The following TK2 variants were observed in gnomAD, a reference collection of about 807,000 sequenced individuals.
The protein encoded by TK2 is thymidine kinase 2, also known as thymidine kinase 2, mitochondrial.
Under a neutral mutation model 41.9 loss-of-function variants are expected in TK2, and 35 were observed. That is an observed-to-expected ratio of 0.84 (90% CI 0.64 to 1.11). The LOEUF (loss-of-function observed/expected upper bound fraction) is 1.11, where lower values mean the gene tolerates loss of function less well. TK2 is among the 50% of genes least tolerant of loss of function. The pLI, the probability that TK2 is intolerant of heterozygous loss-of-function variation, is 0.00. For missense variants in TK2, 320 were observed against 351.1 expected, an observed-to-expected ratio of 0.91 and a Z score of 0.71; for synonymous variants, 128 against 129.1, an observed-to-expected ratio of 0.99 and a Z score of 0.06.
At chr16:66,527,379 A>AT (rs2144393733) in intron 6 of TK2, among the ~76,000 whole-genome samples, 1 of 152,290 alleles carries the variant, frequency 6.6e-6, no homozygotes, top group Non-Finnish European at 1.5e-5. Context: ...CAGGGCTCCT[A>AT]GGAGAAGCCT....
chr16:66,549,415 C>T, intron 1 of TK2: 1 of 1,085,962 alleles, frequency 9.2e-7, no homozygotes, highest in Non-Finnish European at 1.1e-6. Flanking sequence ...GGGCGGGCAT[C>T]GCTGCCCATC....
intron 2 of TK2, among the ~76,000 whole-genome samples, chr16:66,542,942 A>C (rs1965500477): frequency 6.6e-6 from 1 of 151,968 alleles, no homozygotes; most frequent in South Asian, 2.1e-4. Flanking sequence ...GCGTGATCTC[A>C]GCTCACTGCA....
In TK2 at chr16:66,549,968, G is replaced by A. The variant is rs200121712; in HGVS notation, c.94C>T (p.Arg32Trp). The A allele has an allele frequency of 7.0e-3, 10,267 of 1,461,434 alleles. 54 individuals carry two copies. Among genetic ancestry groups the A allele is most frequent in the Non-Finnish European group, 7.5e-3 (8,384 of 1,117,328 alleles). 90.5% of individuals were successfully genotyped at this position (1,461,434 alleles called of 1,614,324 possible). ...RGSPASGPGPRRVQRRAWPPD... is the reference protein window; with the variant it reads ...RGSPASGPGPWRVQRRAWPPD... Reference sequence around the variant, plus strand: ...GGCCAGGCCCGGCGCTGCACCCTCCGCGGCCCGGGGCCTGAGGCCGGGCTC... The same window carrying A: ...GGCCAGGCCCGGCGCTGCACCCTCCACGGCCCGGGGCCTGAGGCCGGGCTC... Residue 32 changes from arginine (R) to tryptophan (W), a missense_variant, in exon 1 of 10, where the codon CGG becomes TGG. Transcript: ENST00000544898.
chr16:66,515,704 C>T (rs1964592572), intron 8 of TK2, among the ~76,000 whole-genome samples: 1 of 152,230 alleles, frequency 6.6e-6, no homozygotes, highest in Non-Finnish European at 1.5e-5. Context: ...TGGGTCACTG[C>T]ACAGAGCTGC....
At chr16:66,547,190 T>A (rs1965635643) in intron 2 of TK2, among the ~76,000 whole-genome samples, 1 of 152,086 alleles carries the variant, frequency 6.6e-6, no homozygotes, top group African/African-American at 2.4e-5. Context: ...ACATCTCTCC[T>A]CACCCACCAA....
At chr16:66,516,317 G>C (rs1964611659) in intron 8 of TK2, among the ~76,000 whole-genome samples, 1 of 152,230 alleles carries the variant, frequency 6.6e-6, no homozygotes, top group South Asian at 2.1e-4. Context: ...CTGTGTATGT[G>C]GTTGTTTGTG....
At position 66,529,087 on chromosome 16, in the gene TK2, G is replaced by C. The variant is rs1671193090; in HGVS notation, c.376-20C>G. ...TGACACCTAAAGGAAAACAAAAAGAGAATCACTAACTCAGGGGAAAAGGAG... is the reference window on the plus strand; with the variant it reads ...TGACACCTAAAGGAAAACAAAAAGACAATCACTAACTCAGGGGAAAAGGAG... On this transcript the variant is annotated intron_variant, in intron 5 of 9. Coordinates refer to ENST00000544898, the MANE Select transcript of TK2 (RefSeq NM_004614.5). 3 of 1,612,342 alleles carry C rather than the reference G, an allele frequency of 1.9e-6. No homozygotes were observed. The highest frequency in any genetic ancestry group is 2.5e-6 in the Non-Finnish European group (3 of 1,178,818).
upstream of TK2, chr16:66,550,132 G>GC (rs1567544595): frequency 6.2e-7 from 1 of 1,612,336 alleles, no homozygotes; most frequent in South Asian, 1.1e-5. Flanking sequence ...TGCTAGTCCA[G>GC]CCGTTGGGCG....
chr16:66,534,042 T>G, intron 4 of TK2, among the ~76,000 whole-genome samples: 1 of 146,198 alleles, frequency 6.8e-6, no homozygotes, highest in African/African-American at 2.6e-5. Context: ...GGATCATGAG[T>G]ACAGAGCCCT....
intron 4 of TK2, 125 bp from the exon 5 acceptor site, chr16:66,531,594 C>T: frequency 1.2e-6 from 1 of 845,500 alleles, no homozygotes. Context: ...GAGATAAACC[C>T]AGCATGATCA....
rs1235680480 is a variant in TK2 at position 66,514,872 on chromosome 16, C to T, written c.619-1061G>A. Among the ~76,000 whole-genome samples, 1 of 152,190 alleles carries T rather than the reference C, an allele frequency of 6.6e-6. No homozygotes were observed. The highest frequency in any genetic ancestry group is 1.9e-4 in the East Asian group (1 of 5,202). ...TGTTAGTCTATAACCTTACCCCCAA[C>T]CCCGTGCTCTCTGAAACGTGTGCTG... On this transcript the variant is annotated intron_variant, in intron 8 of 9. Coordinates refer to ENST00000544898, the MANE Select transcript of TK2 (RefSeq NM_004614.5). This position sits in a 1 kb window ranked among gnomAD's most constrained non-coding sequence, Gnocchi z 4.2.
Position 66,510,179 on chromosome 16 carries a change from G to A in TK2, c.*1789C>T, listed in dbSNP as rs941662996. The A allele has an allele frequency of 6.7e-6, 1 of 148,324 alleles. No homozygotes were observed. Among genetic ancestry groups the A allele is most frequent in the East Asian group, 2.0e-4 (1 of 5,016 alleles). The allele number at this position is 148,324 out of a possible 1,614,324, so 9.2% of individuals were successfully genotyped here. The stretch of plus-strand genomic sequence containing the variant: ...GCAAGAAAAAAATCATGGGTACGTG[G>A]TCTCAGGACCTCTTGAGATTGTGCC... On this transcript the variant is annotated 3_prime_UTR_variant, in exon 10 of 10. Coordinates refer to ENST00000544898, the MANE Select transcript of TK2 (RefSeq NM_004614.5).
At chr16:66,516,391 CAG>C (rs1452807659) in intron 8 of TK2, among the ~76,000 whole-genome samples, 1 of 152,154 alleles carries the variant, frequency 6.6e-6, no homozygotes, top group African/African-American at 2.4e-5. Flanking sequence ...ATGATAACGC[CAG>C]AGAGGCAGTT....
intron 2 of TK2, among the ~76,000 whole-genome samples, chr16:66,545,746 C>T (rs1224054402): frequency 6.6e-6 from 1 of 151,554 alleles, no homozygotes; most frequent in Non-Finnish European, 1.5e-5. Flanking sequence ...ATGGCTTGAA[C>T]CCTGGCGGCG....
In TK2 at chr16:66,542,072, A is replaced by G; in HGVS notation, c.157-119T>C. 3.7e-6 allele frequency: 4 copies of G among 1,067,290 alleles called. No individual in the cohort carries two copies. The Admixed American group carries it at 7.3e-5, about 20-fold the overall frequency. 66.1% of individuals were successfully genotyped at this position (1,067,290 alleles called of 1,614,324 possible). A position where few individuals can be genotyped will look rare whatever the true frequency, so the allele number is the denominator to read the frequency against. The stretch of plus-strand genomic sequence containing the variant: ...ATAATTGGTTCAGTCCAAGACTTTC[A>G]CATGTAAACCAAAATCCCTCCTCGG... On this transcript the variant is annotated intron_variant, in intron 2 of 9. Coordinates refer to ENST00000544898, the MANE Select transcript of TK2 (RefSeq NM_004614.5).
intron 8 of TK2, 63 bp from the exon 9 acceptor site, chr16:66,513,874 G>T: frequency 6.9e-7 from 1 of 1,443,402 alleles, no homozygotes; most frequent in Non-Finnish European, 9.7e-7. Context: ...TACCAAGGGT[G>T]TCAAGCAGAG....
intron 6 of TK2, among the ~76,000 whole-genome samples, chr16:66,522,752 T>C (rs1406619721): frequency 6.6e-6 from 1 of 152,092 alleles, no homozygotes; most frequent in East Asian, 1.9e-4. Context: ...TAATCCCAGC[T>C]ACTCGGGAGG....
intron 9 of TK2, among the ~76,000 whole-genome samples, chr16:66,513,058 C>G (rs1009999992): frequency 6.6e-6 from 1 of 152,176 alleles, no homozygotes; most frequent in African/African-American, 2.4e-5. Flanking sequence ...ACCCCAGACT[C>G]CGCATTTCTT....
At chr16:66,540,362 G>A (rs1965422932) in intron 3 of TK2, among the ~76,000 whole-genome samples, 1 of 151,764 alleles carries the variant, frequency 6.6e-6, no homozygotes, top group African/African-American at 2.4e-5. Context: ...TTGTAGACAT[G>A]TGGTTTTGTC....
Sources: gnomAD v4.1 joint callset for allele counts (sites outside exome capture counted in the v4.1 genomes callset) on GRCh38, gnomAD v4.1.1 for gene constraint, Gnocchi (gnomAD v3.1) non-coding constraint, MANE v1.5 for transcripts, NCBI Gene and HGNC (gene_info 2026-07-23, HGNC 2026-07-21) for gene names.